Variants in SUN1 observed in about 807,000 individuals in gnomAD.
SUN1 encodes the protein SUN domain-containing protein 1.
A neutral mutation model predicts 103.2 loss-of-function variants in SUN1; 61 were observed. The ratio of observed to expected loss-of-function variants is 0.59; its 90% CI spans 0.48 to 0.73. The LOEUF (loss-of-function observed/expected upper bound fraction) is 0.73. SUN1 is among the 30% of genes least tolerant of loss of function. SUN1 has a pLI of 0.00. For missense variants in SUN1, 1,052 were observed against 1,034.6 expected (o/e 1.02, Z -0.23); for synonymous variants, 490 against 425.7 (o/e 1.15, Z -1.86).
chr7:816,588 C>A (rs965107072), upstream of SUN1: 44 of 396,488 alleles, frequency 1.1e-4, no homozygotes, highest in Middle Eastern at 5.8e-4. Context: ...CGGCCCGGGG[C>A]GCGGCCCGCG....
chr7:824,550 CT>C (rs1425633890), intron 1 of SUN1, among the ~76,000 whole-genome samples: 1 of 152,228 alleles, frequency 6.6e-6, no homozygotes, highest in African/African-American at 2.4e-5. Flanking sequence ...TGGCCTTGGG[CT>C]TTTGCTGAAA....
In SUN1 at chr7:851,009, A is replaced by C. The variant is rs182012938; in HGVS notation, c.659-375A>C. 2.0e-5 allele frequency among the ~76,000 whole-genome samples: 3 copies of C among 152,290 alleles called. No individual in the cohort carries two copies. The East Asian group carries it at 5.8e-4, about 29-fold the overall frequency. On this transcript the variant is annotated intron_variant, in intron 5 of 18. Transcript: ENST00000401592. ...GAACTGCAGGTGTCTATGGAATTTC[A>C]ATCTGCTTTAAAATATGGTATGATC...
At chr7:823,457 T>C (rs567417136) in intron 1 of SUN1, among the ~76,000 whole-genome samples, 2 of 146,180 alleles carry the variant, frequency 1.4e-5, no homozygotes, top group African/African-American at 5.3e-5. Context: ...GATCAGGAAA[T>C]AGGAGGGCAC....
intron 5 of SUN1, chr7:848,473 A>T (rs759040593): frequency 2.9e-6 from 4 of 1,364,540 alleles, no homozygotes; most frequent in Non-Finnish European, 2.9e-6. Context: ...ACACTGCATC[A>T]TCTTTTTCAT....
At chr7:842,181 C>G (rs1045258232) in intron 3 of SUN1, 51 bp downstream of exon 3, 2 of 1,587,206 alleles carry the variant, frequency 1.3e-6, no homozygotes, top group Non-Finnish European at 1.7e-6. Context: ...GGGTGTTTCT[C>G]AGATTATGCT....
At chr7:859,447 A>G (rs921942780) in intron 13 of SUN1, among the ~76,000 whole-genome samples, 1 of 152,226 alleles carries the variant, frequency 6.6e-6, no homozygotes, top group African/African-American at 2.4e-5. Flanking sequence ...TAAAGGCACC[A>G]GTACAGAGGC....
intron 5 of SUN1, among the ~76,000 whole-genome samples, chr7:848,812 G>A (rs778289670): frequency 7.9e-5 from 12 of 152,040 alleles, no homozygotes; most frequent in Non-Finnish European, 1.5e-4. Context: ...TGTGTGGTTT[G>A]GTTCCCTCAG....
chr7:866,786 C>T (rs375814424), intron 16 of SUN1, among the ~76,000 whole-genome samples: 1 of 142,300 alleles, frequency 7.0e-6, no homozygotes, highest in East Asian at 2.1e-4. Context: ...CCCCTCCCCG[C>T]CCCCTTCTCC....
chr7:862,680 C>G (rs1204309082), intron 15 of SUN1, among the ~76,000 whole-genome samples: 1 of 152,190 alleles, frequency 6.6e-6, no homozygotes, highest in Non-Finnish European at 1.5e-5. Flanking sequence ...CTAGTGAATC[C>G]TTACAGGTTT....
chr7:858,287 C>G (rs925205597), intron 13 of SUN1, among the ~76,000 whole-genome samples: 1 of 152,172 alleles, frequency 6.6e-6, no homozygotes, highest in African/African-American at 2.4e-5. Context: ...ACTCCTGACT[C>G]CAAGTGATCC....
Position 874,103 on chromosome 7 carries a change from C to T in SUN1, c.*772C>T, listed in dbSNP as rs1843202911. On this transcript the variant is annotated 3_prime_UTR_variant, in exon 19 of 19. Coordinates refer to ENST00000401592, the MANE Select transcript of SUN1 (RefSeq NM_001130965.3). ...TCACAGTAAACAGAAACCCAAAAAT[C>T]TCATCTTGGGTGTTTTCAGGGCTTG... is the stretch of plus-strand genomic sequence containing the variant. 1 of 152,224 alleles carries T rather than the reference C, an allele frequency of 6.6e-6. No homozygotes were observed. Among genetic ancestry groups the T allele is most frequent in the African/African-American group, 2.4e-5 (1 of 41,440 alleles). The allele number at this position is 152,224 out of a possible 1,614,324, so 9.4% of individuals were successfully genotyped here.
At chr7:820,716 C>T (rs1430054419) in intron 1 of SUN1, among the ~76,000 whole-genome samples, 1 of 152,174 alleles carries the variant, frequency 6.6e-6, no homozygotes, top group Non-Finnish European at 1.5e-5. Context: ...AGGAAGTTCC[C>T]TTCCATTCCT....
rs1486682230 is a variant in SUN1, at chr7:852,042, A to C, written c.850A>C (p.Arg284=). The part of the protein sequence containing the change: ...ISWLNVFLLT[R]CLRNICKFLV... ...TTGGCTGAATGTGTTTCTTCTTACC[A>C]GGTAAGGAAATGGATATCATGTCAG... The change falls in exon 7 of 19, where the codon AGG becomes CGG. Residue 284 remains arginine, a splice_region_variant and synonymous_variant. Transcript: ENST00000401592. 1.2e-6 allele frequency: 2 copies of C among 1,614,012 alleles called. No individual in the cohort carries two copies. The highest frequency in any genetic ancestry group is 2.7e-5 in the African/African-American group (2 of 75,060).
chr7:866,722 CG>C (rs1837200408), intron 16 of SUN1, among the ~76,000 whole-genome samples: 1 of 10,174 alleles, frequency 9.8e-5, no homozygotes, highest in East Asian at 3.8e-3. Flanking sequence ...GCCCCCCCCC[CG>C]CCCCCCGTCC....
chr7:860,490 G>A, intron 14 of SUN1, 108 bp downstream of exon 14: 1 of 1,529,164 alleles, frequency 6.5e-7, no homozygotes, highest in Non-Finnish European at 8.8e-7. Context: ...AGAGTGGTCT[G>A]GCTGGGGTGT....
Position 873,348 on chromosome 7 carries a change from T to G in SUN1, c.*17T>G, listed in dbSNP as rs576649319. 6.3e-7 allele frequency: 1 copy of G among 1,597,144 alleles called. No individual in the cohort carries two copies. Among genetic ancestry groups the G allele is most frequent in the African/African-American group, 1.3e-5 (1 of 74,716 alleles). Reference sequence around the variant, plus strand: ...GTCAAGTGAAGACACTACTCATTATTTTTGTACATTTTTGTATATACTGGG... The same window carrying G: ...GTCAAGTGAAGACACTACTCATTATGTTTGTACATTTTTGTATATACTGGG... On this transcript the variant is annotated 3_prime_UTR_variant, in exon 19 of 19. Transcript: ENST00000401592.
At position 838,946 on chromosome 7, in the gene SUN1, G is replaced by T. The variant is rs114826023; in HGVS notation, c.226G>T (p.Gly76Cys). 2.9e-4 allele frequency: 465 copies of T among 1,607,632 alleles called. 1 individual carries two copies. The African/African-American group carries it at 5.6e-3, about 19-fold the overall frequency. Reference protein sequence around the residue: ...GDGEAVGADSGTSSAVSLKNR... With the variant: ...GDGEAVGADSCTSSAVSLKNR... ...TGGTGAGGCTGTGGGTGCCGACAGC[G>T]GCACCAGCAGCGCTGTCTCCCTGAA... Residue 76 changes from glycine to cysteine, a missense_variant, in exon 2 of 19, where the codon GGC becomes TGC. Around this residue, in one of 2 missense-constraint regions of SUN1, gnomAD observed 846 missense variants for 774.5 expected, o/e 1.09. Transcript: ENST00000401592.
At chr7:854,846 C>T (rs903898317) in intron 10 of SUN1, 74 bp from the exon 11 acceptor site, 51 of 1,069,890 alleles carry the variant, frequency 4.8e-5, no homozygotes, top group Middle Eastern at 2.0e-4. Context: ...CGTGTAGAAA[C>T]GCCTTGGCCT....
chr7:854,780 A>C (rs547606397), intron 10 of SUN1, 140 bp from the exon 11 acceptor site: 37 of 588,700 alleles, frequency 6.3e-5, no homozygotes, highest in African/African-American at 6.1e-4. Flanking sequence ...GAAGCGGATT[A>C]TTCCTTTAGG....
Sources: allele counts gnomAD v4.1 joint callset (sites outside exome capture counted in the v4.1 genomes callset), GRCh38; gene constraint gnomAD v4.1.1; regional missense constraint gnomAD v4.1.1; transcripts MANE v1.5; gene names NCBI Gene and HGNC (gene_info 2026-07-23, HGNC 2026-07-21).